The following SLC29A3 variants were observed in gnomAD, a reference collection of about 807,000 sequenced individuals.
SLC29A3 encodes equilibrative nucleoside transporter 3.
Under a neutral mutation model 25.4 loss-of-function variants are expected in SLC29A3, and 18 were observed. The observed-to-expected ratio is 0.71, with a 90% CI of 0.49 to 1.05. The LOEUF (loss-of-function observed/expected upper bound fraction) is 1.05, where lower values mean the gene tolerates loss of function less well. Ranked by LOEUF, SLC29A3 falls within the 50% of genes least tolerant of loss-of-function variation. The pLI, the probability that SLC29A3 is intolerant of heterozygous loss-of-function variation, is 0.00. For synonymous variants in SLC29A3, 258 were observed against 267.1 expected, an observed-to-expected ratio of 0.97 and a Z score of 0.33; for missense variants, 586 against 609.0, an observed-to-expected ratio of 0.96 and a Z score of 0.40.
At chr10:71,369,833 C>T (rs998204872) in intron 3 of SLC29A3, among the ~76,000 whole-genome samples, 11 of 152,196 alleles carry the variant, frequency 7.2e-5, no homozygotes, top group African/African-American at 2.7e-4. Context: ...CAGTAAGAGA[C>T]CATGTTAGAA....
At chr10:71,358,225 A>C (rs555819508) in intron 5 of SLC29A3, among the ~76,000 whole-genome samples, 1 of 152,156 alleles carries the variant, frequency 6.6e-6, no homozygotes, top group African/African-American at 2.4e-5. Context: ...GCCTTATCTC[A>C]TCATTCATTC....
chr10:71,373,458 C>T (rs907736139), intron 3 of SLC29A3, among the ~76,000 whole-genome samples: 1 of 152,118 alleles, frequency 6.6e-6, no homozygotes, highest in Non-Finnish European at 1.5e-5. Flanking sequence ...ACAGCCACCT[C>T]GATTCTTGAA....
At chr10:71,355,989 T>G (rs193176211) in intron 4 of SLC29A3, 92 bp from the exon 5 acceptor site, 1,442 of 1,474,520 alleles carry the variant, frequency 9.8e-4, no homozygotes, top group Non-Finnish European at 1.2e-3. Context: ...GGAATTTTTA[T>G]TTTGGTTTGT....
chr10:71,343,748 G>A (rs1311945063), intron 2 of SLC29A3, among the ~76,000 whole-genome samples: 1 of 152,188 alleles, frequency 6.6e-6, no homozygotes, highest in African/African-American at 2.4e-5. Context: ...AGGAGTTTGA[G>A]ACCAGCCTGG....
chr10:71,370,703 T>TA (rs1564546352), intron 3 of SLC29A3, among the ~76,000 whole-genome samples: 1 of 151,984 alleles, frequency 6.6e-6, no homozygotes, highest in Non-Finnish European at 1.5e-5. Flanking sequence ...CCCAGCTTTT[T>TA]AAAAAAATGA....
rs758562375 is a variant in SLC29A3 at position 71,351,703 on chromosome 10, C to T, written c.525C>T (p.Leu175=). The T allele has an allele frequency of 1.2e-6, 2 of 1,614,226 alleles. No homozygotes were observed. Among genetic ancestry groups the T allele is most frequent in the South Asian group, 2.2e-5 (2 of 91,084 alleles). The change falls in exon 4 of 6, where the codon CTC becomes CTT. Residue 175 remains leucine, a synonymous_variant. Transcript: ENST00000373189. ...FAVTIVCMVI[L]SGASTVFSSS... is the part of the protein sequence containing the mutation. ...TCACCATTGTCTGCATGGTGATCCT[C>T]AGCGGTGCCTCCACTGTCTTCAGCA... is the stretch of plus-strand genomic sequence containing the variant.
intron 3 of SLC29A3, among the ~76,000 whole-genome samples, chr10:71,344,804 C>G (rs1846521389): frequency 6.6e-6 from 1 of 152,310 alleles, no homozygotes; most frequent in Non-Finnish European, 1.5e-5. Context: ...CATAGACCCC[C>G]GTGGGTGACT....
intron 5 of SLC29A3, 89 bp from the exon 6 acceptor site, chr10:71,361,865 G>T: frequency 6.7e-7 from 1 of 1,502,906 alleles, no homozygotes; most frequent in Non-Finnish European, 9.2e-7. Flanking sequence ...TGCTGGGCTG[G>T]AAGGTTCTGT....
chr10:71,337,624 GTC>G (rs915754983), intron 2 of SLC29A3, among the ~76,000 whole-genome samples: 1 of 152,216 alleles, frequency 6.6e-6, no homozygotes, highest in Non-Finnish European at 1.5e-5. Flanking sequence ...CGGACACTGA[GTC>G]TGCCGCAGCT....
At chr10:71,334,875 A>G (rs761072380) in intron 2 of SLC29A3, among the ~76,000 whole-genome samples, 15 of 151,770 alleles carry the variant, frequency 9.9e-5, no homozygotes, top group Non-Finnish European at 1.9e-4. Flanking sequence ...AGGTTAGCCA[A>G]TTATTTGTAT....
intron 1 of SLC29A3, among the ~76,000 whole-genome samples, chr10:71,320,515 T>C (rs2131792474): frequency 6.6e-6 from 1 of 152,292 alleles, no homozygotes; most frequent in African/African-American, 2.4e-5. Context: ...CTTCTTGCTG[T>C]GCCTTCACAT....
intron 3 of SLC29A3, among the ~76,000 whole-genome samples, chr10:71,372,084 G>A (rs868834291): frequency 3.9e-5 from 6 of 152,252 alleles, no homozygotes; most frequent in South Asian, 4.1e-4. Context: ...ACCAGTCATC[G>A]GTCACAGGAT....
At chr10:71,348,492 C>T (rs188812724) in intron 3 of SLC29A3, among the ~76,000 whole-genome samples, 7 of 152,292 alleles carry the variant, frequency 4.6e-5, no homozygotes, top group Admixed American at 4.6e-4. Flanking sequence ...CTCCGGTCTC[C>T]TGACTCAGGC....
chr10:71,338,861 C>T (rs190517103), intron 2 of SLC29A3, among the ~76,000 whole-genome samples: 3 of 152,368 alleles, frequency 2.0e-5, no homozygotes, highest in Admixed American at 1.3e-4. Context: ...CTGAGAGGAA[C>T]GTGTCTCACA....
rs977392273 is a variant in SLC29A3, at chr10:71,363,123, G to A, written c.*515G>A. On this transcript the variant is annotated 3_prime_UTR_variant, in exon 6 of 6. Transcript: ENST00000373189. The stretch of plus-strand genomic sequence containing the variant: ...AAGACTCAAGTGTGCACAGACCCCT[G>A]TGTTCTGTGGGTGAACAACTGCCCA... 1.4e-5 allele frequency: 6 copies of A among 440,280 alleles called. No homozygotes were observed. Among genetic ancestry groups the A allele is most frequent in the Non-Finnish European group, 2.7e-5 (6 of 219,326 alleles). The allele number at this position is 440,280 out of a possible 1,614,324, so 27.3% of individuals were successfully genotyped here.
At chr10:71,369,528 A>G (rs1157524233) in intron 3 of SLC29A3, among the ~76,000 whole-genome samples, 5 of 152,266 alleles carry the variant, frequency 3.3e-5, no homozygotes, top group African/African-American at 4.8e-5. Flanking sequence ...CAGCCTATTC[A>G]TATTGCAAAA....
intron 2 of SLC29A3, among the ~76,000 whole-genome samples, chr10:71,337,648 T>A (rs534130484): frequency 6.6e-6 from 1 of 152,330 alleles, no homozygotes; most frequent in South Asian, 2.1e-4. Flanking sequence ...GTGACTAATT[T>A]GCTGCACTTA....
rs1358283113 is a variant in SLC29A3 at position 71,362,291 on chromosome 10, G to C, written c.1111G>C (p.Val371Leu). 1.2e-6 allele frequency: 2 copies of C among 1,613,994 alleles called. No homozygotes were observed. The highest frequency in any genetic ancestry group is 2.7e-5 in the African/African-American group (2 of 74,902). The change falls in exon 6 of 6, where the codon GTG becomes CTG. Residue 371 changes from valine (V) to leucine (L), a missense_variant. Coordinates refer to ENST00000373189, the MANE Select transcript of SLC29A3 (RefSeq NM_018344.6). Reference sequence around the variant, plus strand: ...CCGGCAGCTCACCGCCTGGATCCAGGTGCCAGGGCCCAATAGCAAGGCGCT... The same window carrying C: ...CCGGCAGCTCACCGCCTGGATCCAGCTGCCAGGGCCCAATAGCAAGGCGCT... ...CGRQLTAWIQ[V>L]PGPNSKALPG...
downstream of SLC29A3, chr10:71,364,987 G>A (rs1436417345): frequency 6.6e-6 from 1 of 152,166 alleles, no homozygotes; most frequent in East Asian, 1.9e-4. Flanking sequence ...CCAGCACTTT[G>A]GGAGGCCGAG....
Sources: gnomAD v4.1 joint callset for allele counts (sites outside exome capture counted in the v4.1 genomes callset) on GRCh38, gnomAD v4.1.1 for gene constraint, MANE v1.5 for transcripts, NCBI Gene and HGNC (gene_info 2026-07-23, HGNC 2026-07-21) for gene names.